PRKCA: variants seen among roughly 807,000 people sequenced by gnomAD.
The protein encoded by PRKCA is protein kinase C alpha type.
PRKCA carries 27 observed loss-of-function variants against 87.0 expected under a neutral mutation model. The observed-to-expected ratio is 0.31, with a 90% CI of 0.23 to 0.43. The LOEUF is 0.43. Among genes scored for constraint, PRKCA ranks in the 20% least tolerant of loss-of-function variants. PRKCA has a pLI of 1.00. For missense variants in PRKCA, 518 were observed against 852.3 expected (o/e 0.61, Z 4.88); for synonymous variants, 329 against 311.1 (o/e 1.06, Z -0.61).
At position 66,573,716 on chromosome 17, in the gene PRKCA, A is replaced by G. The variant is rs532583839; in HGVS notation, c.289-67639A>G. Among the ~76,000 whole-genome samples, 4 of 152,360 alleles carry G rather than the reference A, an allele frequency of 2.6e-5. No homozygotes were observed. The South Asian group carries it at 8.3e-4, about 32-fold the overall frequency. On this transcript the variant is annotated intron_variant, in intron 3 of 16. Transcript: ENST00000413366. ...TTGTTGTTTTTAACAAGCTATATCT[A>G]GCTTCCTATTATTTTCATTTTGAAG...
At chr17:66,419,608 T>C (rs1169898181) in intron 2 of PRKCA, among the ~76,000 whole-genome samples, 1 of 152,198 alleles carries the variant, frequency 6.6e-6, no homozygotes, top group Non-Finnish European at 1.5e-5. Flanking sequence ...AATGCCCATA[T>C]TGTATCTGTC....
intron 5 of PRKCA, among the ~76,000 whole-genome samples, chr17:66,646,162 T>C (rs1221807104): frequency 6.6e-6 from 1 of 152,180 alleles, no homozygotes; most frequent in Admixed American, 6.5e-5. Context: ...ACTGTGCTTA[T>C]AATTACCACA....
chr17:66,673,165 A>G (rs1972238790), intron 5 of PRKCA, among the ~76,000 whole-genome samples: 1 of 152,186 alleles, frequency 6.6e-6, no homozygotes, highest in Non-Finnish European at 1.5e-5. Flanking sequence ...TTTATGTCCC[A>G]CTAATTGTAA....
intron 3 of PRKCA, among the ~76,000 whole-genome samples, chr17:66,576,720 A>G (rs1014933454): frequency 6.6e-6 from 1 of 152,198 alleles, no homozygotes; most frequent in African/African-American, 2.4e-5. Flanking sequence ...GAACACACAC[A>G]GAGCCAGCAG....
chr17:66,640,052 G>T (rs1391985406), intron 3 of PRKCA, among the ~76,000 whole-genome samples: 1 of 151,996 alleles, frequency 6.6e-6, no homozygotes. Context: ...AGAAGCAGAG[G>T]CGCTTATCTG....
At chr17:66,567,899 G>A (rs990249708) in intron 3 of PRKCA, among the ~76,000 whole-genome samples, 1 of 152,262 alleles carries the variant, frequency 6.6e-6, no homozygotes, top group Non-Finnish European at 1.5e-5. Flanking sequence ...TCGTGAGCCA[G>A]TGGATGGGGA....
chr17:66,397,195 C>T (rs1437041618), intron 2 of PRKCA, among the ~76,000 whole-genome samples: 1 of 150,724 alleles, frequency 6.6e-6, no homozygotes, highest in African/African-American at 2.4e-5. Context: ...GAACTCCTGA[C>T]CTCAGGTGAT....
At chr17:66,523,342 T>C (rs1363340354) in intron 3 of PRKCA, among the ~76,000 whole-genome samples, 3 of 152,188 alleles carry the variant, frequency 2.0e-5, no homozygotes, top group East Asian at 3.9e-4. Context: ...GCACAAACTT[T>C]GGAGTCAAAT....
intron 2 of PRKCA, among the ~76,000 whole-genome samples, chr17:66,423,510 T>A (rs986073818): frequency 1.3e-5 from 2 of 152,190 alleles, no homozygotes; most frequent in Admixed American, 6.5e-5. Context: ...TACTTACAGA[T>A]CTCTTTAGAA....
chr17:66,468,447 C>T (rs1234646942), intron 2 of PRKCA, among the ~76,000 whole-genome samples: 1 of 152,148 alleles, frequency 6.6e-6, no homozygotes. Context: ...CCTGCACATG[C>T]ATTTTTTTTC....
In PRKCA at chr17:66,499,051, A is replaced by T. The variant is rs546956223; in HGVS notation, c.288+2768A>T. Reference sequence around the variant, plus strand: ...CAGGACATGGACCATTAGCAGACACATTCAGTGTGAGATGCCTGACGCTGG... The same window carrying T: ...CAGGACATGGACCATTAGCAGACACTTTCAGTGTGAGATGCCTGACGCTGG... On this transcript the variant is annotated intron_variant, in intron 3 of 16. Transcript: ENST00000413366. 1.4e-4 allele frequency among the ~76,000 whole-genome samples: 22 copies of T among 152,300 alleles called. 1 individual carries two copies. Among genetic ancestry groups the T allele is most frequent in the Middle Eastern group, 3.4e-3 (1 of 294 alleles).
At chr17:66,487,471 G>T (rs79070174) in intron 2 of PRKCA, among the ~76,000 whole-genome samples, 5,875 of 147,750 alleles carry the variant, frequency 0.04, 168 homozygotes, top group East Asian at 0.093. Context: ...GAGTGGTGCT[G>T]CAGTGAATAT....
In PRKCA at chr17:66,735,475, T is replaced by G. The variant is rs1974002521; in HGVS notation, c.1057-14T>G. On this transcript the variant is annotated splice_polypyrimidine_tract_variant and intron_variant, in intron 9 of 16. Transcript: ENST00000413366. The stretch of plus-strand genomic sequence containing the variant: ...TGCTTACAAGTGTTCAGGTTGTTCT[T>G]GACGTGTTCTCAGGTGATGCTTGCC... 1.2e-6 allele frequency: 2 copies of G among 1,614,148 alleles called. No homozygotes were observed. Among genetic ancestry groups the G allele is most frequent in the Non-Finnish European group, 8.5e-7 (1 of 1,180,016 alleles).
At chr17:66,773,952 CCA>C in intron 13 of PRKCA, 33 bp from the exon 14 acceptor site, 1 of 1,613,396 alleles carries the variant, frequency 6.2e-7, no homozygotes, top group Non-Finnish European at 8.5e-7. Context: ...ATTGGACTTA[CCA>C]CTAATGTAAT....
At chr17:66,406,121 AAC>A (rs1272075894) in intron 2 of PRKCA, among the ~76,000 whole-genome samples, 9 of 152,282 alleles carry the variant, frequency 5.9e-5, no homozygotes, top group African/African-American at 1.9e-4. Context: ...CCAGTTTCCA[AAC>A]ACACCCCGAA....
At chr17:66,478,838 A>G (rs1417815803) in intron 2 of PRKCA, among the ~76,000 whole-genome samples, 1 of 152,174 alleles carries the variant, frequency 6.6e-6, no homozygotes, top group Non-Finnish European at 1.5e-5. Flanking sequence ...ATAGCCCCAC[A>G]TCATGATTAT....
chr17:66,401,382 A>G (rs1014546455), intron 2 of PRKCA, among the ~76,000 whole-genome samples: 5 of 152,238 alleles, frequency 3.3e-5, no homozygotes, highest in Admixed American at 2.0e-4. Flanking sequence ...GCAATTGGAA[A>G]GCCTGTATAG....
At chr17:66,762,181 G>A (rs915401416) in intron 13 of PRKCA, among the ~76,000 whole-genome samples, 4 of 152,168 alleles carry the variant, frequency 2.6e-5, no homozygotes, top group African/African-American at 4.8e-5. Context: ...TCATTTGAGT[G>A]TTTAACATAT....
intron 3 of PRKCA, among the ~76,000 whole-genome samples, chr17:66,562,045 TATATATATAATTAA>T (rs1968697327): frequency 7.9e-6 from 1 of 126,832 alleles, no homozygotes; most frequent in Non-Finnish European, 1.7e-5. Context: ...TCAATTTAAT[TATATATATAATTAA>T]ATATATATAA....
Sources: allele counts gnomAD v4.1 joint callset (sites outside exome capture counted in the v4.1 genomes callset), GRCh38; gene constraint gnomAD v4.1.1; transcripts MANE v1.5; gene names NCBI Gene and HGNC (gene_info 2026-07-23, HGNC 2026-07-21).